Variants in TNR observed in about 807,000 individuals in gnomAD.
TNR encodes tenascin R.
Under a neutral mutation model 150.4 loss-of-function variants are expected in TNR, and 45 were observed. That is an observed-to-expected ratio of 0.30 (90% CI 0.24 to 0.38). TNR has a LOEUF of 0.38. TNR is among the 10% of genes least tolerant of loss of function. The probability of loss-of-function intolerance (pLI) is 1.00; values close to 1 mark genes in which losing one functional copy is unlikely to be tolerated. For synonymous variants in TNR, 687 were observed against 678.4 expected (o/e 1.01, Z -0.20); for missense variants, 1,544 against 1,759.1 (o/e 0.88, Z 2.19).
intron 5 of TNR, among the ~76,000 whole-genome samples, chr1:175,396,132 A>G (rs1248787351): frequency 6.6e-6 from 1 of 152,204 alleles, no homozygotes; most frequent in African/African-American, 2.4e-5. Flanking sequence ...ACTTTGCTAT[A>G]CACTTATGGT....
chr1:175,445,588 C>T (rs1656013038), intron 2 of TNR, among the ~76,000 whole-genome samples: 1 of 152,140 alleles, frequency 6.6e-6, no homozygotes, highest in African/African-American at 2.4e-5. Flanking sequence ...ATTACAGGTC[C>T]CAGAGCAGCC....
At chr1:175,684,973 T>C (rs1409001747) in intron 1 of TNR, among the ~76,000 whole-genome samples, 1 of 152,222 alleles carries the variant, frequency 6.6e-6, no homozygotes, top group African/African-American at 2.4e-5. Flanking sequence ...ATTTTAGACA[T>C]CCAACCCTTC....
chr1:175,496,349 G>A (rs1227276815), intron 2 of TNR, among the ~76,000 whole-genome samples: 2 of 152,114 alleles, frequency 1.3e-5, no homozygotes, highest in Non-Finnish European at 2.9e-5. Context: ...TGCTACATAT[G>A]TCTCTCTAAT....
chr1:175,514,735 C>T (rs200320032), intron 2 of TNR, among the ~76,000 whole-genome samples: 1 of 152,200 alleles, frequency 6.6e-6, no homozygotes, highest in Non-Finnish European at 1.5e-5. Flanking sequence ...ATGACGAGCA[C>T]GTTGTTAAAA....
rs186467176 is a variant in TNR at position 175,596,547 on chromosome 1, A to G, written c.-164-68178T>C. Among the ~76,000 whole-genome samples, 139 of 152,324 alleles carry G rather than the reference A, an allele frequency of 9.1e-4. 2 individuals carry two copies. The Middle Eastern group carries it at 0.017, about 19-fold the overall frequency. On this transcript the variant is annotated intron_variant, in intron 1 of 22. Transcript: ENST00000367674. ...TTCTGAAAATCAATGATCTTTCTAA[A>G]CTGGAAGGATGGATTATTGTCAACA... is the stretch of plus-strand genomic sequence containing the variant.
intron 2 of TNR, among the ~76,000 whole-genome samples, chr1:175,433,171 C>T (rs1324945933): frequency 6.6e-6 from 1 of 152,174 alleles, no homozygotes; most frequent in Non-Finnish European, 1.5e-5. Context: ...GTCCACAATA[C>T]TAGTGCTGAA....
At chr1:175,716,038 C>T (rs1369929707) in intron 1 of TNR, among the ~76,000 whole-genome samples, 21 of 152,210 alleles carry the variant, frequency 1.4e-4, no homozygotes, top group Admixed American at 1.0e-3. Flanking sequence ...GCCCATTGCC[C>T]ATCCCCCGCA....
intron 1 of TNR, among the ~76,000 whole-genome samples, chr1:175,564,536 T>C (rs1661561264): frequency 6.6e-6 from 1 of 152,222 alleles, no homozygotes; most frequent in Non-Finnish European, 1.5e-5. Context: ...TTGTATTGGT[T>C]GCACATTTTG....
chr1:175,547,630 AAAGAAAGAGAAAGAAAGAAAGGAAG>A (rs1404415516), intron 1 of TNR, among the ~76,000 whole-genome samples: 7 of 132,878 alleles, frequency 5.3e-5, no homozygotes, highest in African/African-American at 2.1e-4. Flanking sequence ...ACAAAGAAAG[AAAGAAAGAGAAAGAAAGAAAGGAAG>A]AAGAAAGAAA....
intron 1 of TNR, among the ~76,000 whole-genome samples, chr1:175,565,919 C>T (rs1269156733): frequency 1.3e-5 from 2 of 152,172 alleles, no homozygotes; most frequent in African/African-American, 4.8e-5. Flanking sequence ...TGAATTGAAA[C>T]TGGACTCAGA....
In TNR at chr1:175,507,566, C is replaced by G. The variant is rs566867557; in HGVS notation, c.-64+20703G>C. Among the ~76,000 whole-genome samples the G allele has an allele frequency of 4.6e-5, 7 of 151,910 alleles. No individual in the cohort carries two copies. In the South Asian group the frequency reaches 1.5e-3, roughly 32 times the overall value. ...TGATCCCCCCTTCCCTGTCCCCCTA[C>G]CTGACACATACCCCATACTTCAGGC... On this transcript the variant is annotated intron_variant, in intron 2 of 22. Coordinates refer to ENST00000367674, the MANE Select transcript of TNR (RefSeq NM_003285.3).
intron 3 of TNR, among the ~76,000 whole-genome samples, chr1:175,405,195 G>C (rs537420880): frequency 1.3e-5 from 2 of 152,242 alleles, no homozygotes; most frequent in African/African-American, 4.8e-5. Flanking sequence ...TGTGCACAAA[G>C]GGGTACAGAT....
chr1:175,589,359 C>T (rs1662702065), intron 1 of TNR, among the ~76,000 whole-genome samples: 1 of 152,102 alleles, frequency 6.6e-6, no homozygotes, highest in East Asian at 1.9e-4. Context: ...TTGGTAAGGA[C>T]ACACTTGTAA....
Position 175,356,460 on chromosome 1 carries a change from C to A in TNR, c.2977G>T (p.Ala993Ser), listed in dbSNP as rs867038686. The A allele has an allele frequency of 1.2e-6, 2 of 1,613,642 alleles. No homozygotes were observed. The highest frequency in any genetic ancestry group is 2.2e-5 in the East Asian group (1 of 44,856). Residue 993 changes from alanine to serine, a missense_variant and splice_region_variant, in exon 16 of 23, where the codon GCT becomes TCT. This residue lies in a region of TNR where 1,254 missense variants were observed against 1,329.4 expected (regional missense o/e 0.94). Transcript: ENST00000367674. ...YVIVLTHFAV[A>S]GETILVDGVS... ...CCGTCAACAAGGATGGTCTCTCCAG[C>A]GACTGAACTCAAATGAATATGAATA... is the stretch of plus-strand genomic sequence containing the variant.
chr1:175,626,386 C>T (rs189290805), intron 1 of TNR, among the ~76,000 whole-genome samples: 41 of 152,302 alleles, frequency 2.7e-4, no homozygotes, highest in African/African-American at 8.9e-4. Flanking sequence ...AACCATATCA[C>T]CCACCTCCAG....
chr1:175,691,184 A>G (rs1274959331), intron 1 of TNR, among the ~76,000 whole-genome samples: 2 of 152,222 alleles, frequency 1.3e-5, no homozygotes, highest in African/African-American at 4.8e-5. Flanking sequence ...GCAGCAGAGC[A>G]GAACAAGGTG....
rs777247226 is a variant in TNR, at chr1:175,599,487, C to G, written c.-164-71118G>C. Among the ~76,000 whole-genome samples the G allele has an allele frequency of 2.0e-5, 3 of 152,232 alleles. No individual in the cohort carries two copies. The highest frequency in any genetic ancestry group is 2.9e-5 in the Non-Finnish European group (2 of 68,030). The stretch of plus-strand genomic sequence containing the variant: ...AAGACTTGGGGTCTTGCGATCGCCG[C>G]CGAGTGACGGAGTAATTCGCAGATG... On this transcript the variant is annotated intron_variant, in intron 1 of 22. Coordinates refer to ENST00000367674, the MANE Select transcript of TNR (RefSeq NM_003285.3). This position sits in a 1 kb window ranked among gnomAD's most constrained non-coding sequence, Gnocchi z 4.7.
intron 2 of TNR, among the ~76,000 whole-genome samples, chr1:175,439,670 A>G (rs990919169): frequency 6.6e-6 from 1 of 152,228 alleles, no homozygotes; most frequent in Non-Finnish European, 1.5e-5. Flanking sequence ...AACTTAAACA[A>G]ATTTACAAGA....
Position 175,379,462 on chromosome 1 carries a change from A to T in TNR, c.1963+90T>A. The stretch of plus-strand genomic sequence containing the variant: ...GAGATGAGATCAATAGGAATTGGCC[A>T]TGGGTTTGTAAGATGTGTAGGTTGG... On this transcript the variant is annotated intron_variant, in intron 9 of 22. Transcript: ENST00000367674. The T allele has an allele frequency of 2.5e-6, 3 of 1,223,678 alleles. No homozygotes were observed. In the Middle Eastern group the frequency reaches 8.6e-4, roughly 353 times the overall value. 75.8% of individuals were successfully genotyped at this position (1,223,678 alleles called of 1,614,324 possible).
Sources: allele counts gnomAD v4.1 joint callset (sites outside exome capture counted in the v4.1 genomes callset), GRCh38; gene constraint gnomAD v4.1.1; regional missense constraint gnomAD v4.1.1; non-coding constraint Gnocchi (gnomAD v3.1); transcripts MANE v1.5; gene names NCBI Gene and HGNC (gene_info 2026-07-23, HGNC 2026-07-21).